Variants in KIFAP3 observed in about 807,000 individuals in gnomAD.
KIFAP3 encodes kinesin-associated protein 3.
A neutral mutation model predicts 106.5 loss-of-function variants in KIFAP3; 68 were observed. That is an observed-to-expected ratio of 0.64 (90% CI 0.53 to 0.78). The LOEUF (loss-of-function observed/expected upper bound fraction) is 0.78, where lower values mean the gene tolerates loss of function less well. Among genes scored for constraint, KIFAP3 ranks in the 30% least tolerant of loss-of-function variants. KIFAP3 has a pLI of 0.00. For missense variants in KIFAP3, 780 were observed against 941.8 expected, an observed-to-expected ratio of 0.83 and a Z score of 2.25; for synonymous variants, 320 against 311.5, an observed-to-expected ratio of 1.03 and a Z score of -0.29.
chr1:170,025,850 A>T (rs902997513), intron 8 of KIFAP3, among the ~76,000 whole-genome samples: 1 of 152,336 alleles, frequency 6.6e-6, no homozygotes, highest in African/African-American at 2.4e-5. Context: ...ACTTCTCTTT[A>T]CAGCCAAGAT....
intron 18 of KIFAP3, among the ~76,000 whole-genome samples, chr1:169,959,806 A>G (rs982630169): frequency 6.6e-5 from 10 of 152,110 alleles, no homozygotes; most frequent in African/African-American, 2.2e-4. Context: ...ATTTTATATC[A>G]TCTTACTTCA....
chr1:169,971,843 A>T (rs945979972), intron 17 of KIFAP3, among the ~76,000 whole-genome samples: 1 of 152,004 alleles, frequency 6.6e-6, no homozygotes, highest in Admixed American at 6.6e-5. Context: ...AGTATATGCC[A>T]TATATAAAAA....
At chr1:170,045,795 A>C (rs1363538045) in intron 3 of KIFAP3, among the ~76,000 whole-genome samples, 3 of 152,216 alleles carry the variant, frequency 2.0e-5, no homozygotes, top group Admixed American at 2.0e-4. Context: ...GTTATAACTA[A>C]GCATTAATAG....
At chr1:170,023,431 C>G (rs888294384) in intron 9 of KIFAP3, among the ~76,000 whole-genome samples, 1 of 152,050 alleles carries the variant, frequency 6.6e-6, no homozygotes, top group African/African-American at 2.4e-5. Flanking sequence ...TTTGCCAGTA[C>G]TACACAGCCA....
intron 8 of KIFAP3, among the ~76,000 whole-genome samples, chr1:170,028,715 T>C (rs1360001642): frequency 6.6e-6 from 1 of 152,104 alleles, no homozygotes; most frequent in African/African-American, 2.4e-5. Flanking sequence ...GAAGAAATGA[T>C]TGCAACACTA....
intron 5 of KIFAP3, 97 bp downstream of exon 5, chr1:170,038,191 AAG>A (rs1669782926): frequency 1.1e-6 from 1 of 930,520 alleles, no homozygotes; most frequent in East Asian, 2.9e-5. Context: ...CTGAGTAAGA[AAG>A]AAATAAAGAG....
intron 19 of KIFAP3, among the ~76,000 whole-genome samples, chr1:169,941,780 G>C (rs1042477179): frequency 2.0e-5 from 3 of 152,050 alleles, no homozygotes; most frequent in Non-Finnish European, 4.4e-5. Context: ...AAAGATAAGA[G>C]GTGTAAGTAA....
chr1:170,035,913 TA>T (rs373568852), intron 5 of KIFAP3, among the ~76,000 whole-genome samples: 145 of 152,092 alleles, frequency 9.5e-4, no homozygotes, highest in African/African-American at 3.2e-3. Context: ...TTTTTCTTTT[TA>T]ACATCTGATT....
chr1:170,070,206 ATTG>A (rs746975183), intron 1 of KIFAP3, among the ~76,000 whole-genome samples: 3 of 152,170 alleles, frequency 2.0e-5, no homozygotes, highest in Non-Finnish European at 4.4e-5. Flanking sequence ...AGGACTTAAT[ATTG>A]TTAAGATGGC....
intron 15 of KIFAP3, among the ~76,000 whole-genome samples, chr1:169,980,403 G>A (rs568768307): frequency 2.0e-5 from 3 of 152,208 alleles, no homozygotes; most frequent in South Asian, 4.1e-4. Context: ...AGATCCTAGA[G>A]AACTTGGCCC....
chr1:169,973,123 A>ATATATATATATATATATATATATAG (rs1553278139), intron 16 of KIFAP3, among the ~76,000 whole-genome samples: 5 of 128,652 alleles, frequency 3.9e-5, no homozygotes, highest in Admixed American at 8.4e-5. Context: ...ATATATATAT[A>ATATATATATATATATATATATATAG]AACAACACAA....
chr1:170,056,574 G>A (rs542707599), intron 1 of KIFAP3, among the ~76,000 whole-genome samples: 1 of 152,124 alleles, frequency 6.6e-6, no homozygotes, highest in African/African-American at 2.4e-5. Context: ...AGCCTGATAA[G>A]AAAAACAAAA....
intron 19 of KIFAP3, among the ~76,000 whole-genome samples, chr1:169,935,526 T>C (rs1414585797): frequency 3.3e-5 from 5 of 152,012 alleles, no homozygotes; most frequent in Admixed American, 2.6e-4. Context: ...TTAATATATA[T>C]AAGATACATT....
At chr1:169,987,037 G>T (rs1177572109) in intron 11 of KIFAP3, among the ~76,000 whole-genome samples, 1 of 151,948 alleles carries the variant, frequency 6.6e-6, no homozygotes, top group Non-Finnish European at 1.5e-5. Context: ...TAATGATATA[G>T]AATTAGTTTT....
intron 3 of KIFAP3, among the ~76,000 whole-genome samples, chr1:170,043,283 T>C (rs1426058315): frequency 3.9e-5 from 6 of 152,220 alleles, no homozygotes; most frequent in Admixed American, 6.5e-5. Context: ...GTTCGTACGG[T>C]ACCCACTGCT....
intron 1 of KIFAP3, among the ~76,000 whole-genome samples, chr1:170,071,670 A>C (rs1311061838): frequency 6.6e-6 from 1 of 152,184 alleles, no homozygotes; most frequent in Non-Finnish European, 1.5e-5. Context: ...GTCTCACTAG[A>C]GCAAGAATTC....
chr1:169,968,831 TAAA>T (rs35315207), intron 17 of KIFAP3, among the ~76,000 whole-genome samples: 1 of 146,934 alleles, frequency 6.8e-6, no homozygotes, highest in African/African-American at 2.5e-5. Context: ...TGTTGCCAAT[TAAA>T]AAAAAAAAGT....
chr1:169,984,734 A>G (rs752069276), intron 11 of KIFAP3, 44 bp from the exon 12 acceptor site: 1 of 1,028,256 alleles, frequency 9.7e-7, no homozygotes, highest in East Asian at 2.4e-5. Context: ...AAACAAAGAC[A>G]AAAAACCAAA....
chr1:169,973,124 A>T (rs10525923), intron 16 of KIFAP3, among the ~76,000 whole-genome samples: 696 of 48,468 alleles, frequency 0.014, 33 homozygotes, highest in East Asian at 0.14. Context: ...TATATATATA[A>T]ACAACACAAA....
Sources: allele counts gnomAD v4.1 joint callset (sites outside exome capture counted in the v4.1 genomes callset), GRCh38; gene constraint gnomAD v4.1.1; transcripts MANE v1.5; gene names NCBI Gene and HGNC (gene_info 2026-07-23, HGNC 2026-07-21).